IP6K1: variants seen among roughly 807,000 people sequenced by gnomAD.
IP6K1 encodes the protein ATP:1D-myo-inositol-hexakisphosphate phosphotransferase.
Under a neutral mutation model 38.3 loss-of-function variants are expected in IP6K1, and 13 were observed. The observed-to-expected ratio is 0.34, with a 90% CI of 0.22 to 0.54. The LOEUF (loss-of-function observed/expected upper bound fraction) is 0.54, where lower values mean the gene tolerates loss of function less well. IP6K1 is among the 20% of genes least tolerant of loss of function. The probability of loss-of-function intolerance (pLI) is 0.92; values close to 1 mark genes in which losing one functional copy is unlikely to be tolerated. For missense variants in IP6K1, 397 were observed against 599.8 expected (o/e 0.66, Z 3.53); for synonymous variants, 212 against 229.9 (o/e 0.92, Z 0.70).
rs141990904 is a variant in IP6K1 at position 49,727,446 on chromosome 3, G to A, written c.1002C>T (p.Ser334=). ...RQASYRFYSS[S]LLVIYDGKEC... ...CCTTGCCATCATAGATGACAAGCAG[G>A]GAACTGGAGTAGAAGCGGTAAGAGG... The change falls in exon 6 of 6, where the codon TCC becomes TCT. Residue 334 remains serine, a synonymous_variant. Transcript: ENST00000321599. The surrounding 1 kb of genome is among the most constrained non-coding windows in gnomAD (Gnocchi z 5.9). 4.7e-4 allele frequency: 763 copies of A among 1,614,108 alleles called. 7 individuals carry two copies. The African/African-American group carries it at 8.7e-3, about 18-fold the overall frequency.
intron 1 of IP6K1, among the ~76,000 whole-genome samples, chr3:49,783,695 C>G (rs2081087587): frequency 6.8e-6 from 1 of 146,226 alleles, no homozygotes; most frequent in Admixed American, 6.9e-5. Context: ...CCAGCGCAAC[C>G]GAGCGAGATT....
chr3:49,738,002 C>A (rs1201847755), intron 3 of IP6K1, among the ~76,000 whole-genome samples: 8 of 152,210 alleles, frequency 5.3e-5, no homozygotes. Flanking sequence ...GAGAGCTTCA[C>A]TTCCTCTCTC....
At chr3:49,748,953 A>T (rs1275196340) in intron 1 of IP6K1, 1 of 152,440 alleles carries the variant, frequency 6.6e-6, no homozygotes, top group Non-Finnish European at 1.5e-5. Context: ...ACAGTGACAG[A>T]TCATCAGGCA....
intron 1 of IP6K1, among the ~76,000 whole-genome samples, chr3:49,749,082 G>A (rs887794993): frequency 2.6e-5 from 4 of 152,188 alleles, no homozygotes; most frequent in African/African-American, 7.2e-5. Context: ...GAGCTCCGGC[G>A]GTAATGCAAG....
intron 1 of IP6K1, chr3:49,758,717 C>G (rs1453764555): frequency 7.9e-5 from 12 of 152,192 alleles, no homozygotes; most frequent in Admixed American, 7.9e-4. Context: ...AATCCCAACA[C>G]TTTGGGAGGT....
intron 1 of IP6K1, among the ~76,000 whole-genome samples, chr3:49,773,466 C>T (rs997258712): frequency 6.6e-6 from 1 of 152,228 alleles, no homozygotes; most frequent in East Asian, 1.9e-4. Flanking sequence ...AAAAAATTAG[C>T]TGGGCGTGGT....
chr3:49,736,441 G>A (rs1267673148), intron 3 of IP6K1, among the ~76,000 whole-genome samples: 3 of 152,120 alleles, frequency 2.0e-5, no homozygotes, highest in Non-Finnish European at 4.4e-5. Context: ...TTTGCCTGAT[G>A]TGAACACTTT....
intron 1 of IP6K1, among the ~76,000 whole-genome samples, chr3:49,767,305 G>A (rs562319258): frequency 1.4e-4 from 22 of 151,936 alleles, no homozygotes; most frequent in Admixed American, 3.9e-4. Context: ...TTGGCCAGGC[G>A]CGGTGGCTCA....
chr3:49,763,820 A>T (rs1156750279), intron 1 of IP6K1, among the ~76,000 whole-genome samples: 3 of 151,948 alleles, frequency 2.0e-5, no homozygotes, highest in Admixed American at 6.6e-5. Flanking sequence ...GTTCGAAACC[A>T]GCCTGGCCAA....
chr3:49,761,646 G>T (rs1020143583), intron 1 of IP6K1, among the ~76,000 whole-genome samples: 2 of 150,866 alleles, frequency 1.3e-5, no homozygotes, highest in African/African-American at 4.9e-5. Flanking sequence ...AATAACCTAA[G>T]GTTCTCATTA....
In IP6K1 at chr3:49,751,010, T is replaced by C. The variant is rs534457917; in HGVS notation, c.-128-2842A>G. Among the ~76,000 whole-genome samples, 5 of 152,312 alleles carry C rather than the reference T, an allele frequency of 3.3e-5. 1 individual carries two copies. The highest frequency in any genetic ancestry group is 1.9e-4 in the East Asian group (1 of 5,194). On this transcript the variant is annotated intron_variant, in intron 1 of 5. Coordinates refer to ENST00000321599, the MANE Select transcript of IP6K1 (RefSeq NM_153273.4). ...CTGTGAAGCCTTGCTTTACAAGGTGTGGATGGAGCCTCATAAGTCACTTAA... is the reference window on the plus strand; with the variant it reads ...CTGTGAAGCCTTGCTTTACAAGGTGCGGATGGAGCCTCATAAGTCACTTAA...
At chr3:49,761,038 G>A (rs980376049) in intron 1 of IP6K1, among the ~76,000 whole-genome samples, 1 of 152,196 alleles carries the variant, frequency 6.6e-6, no homozygotes, top group Admixed American at 6.6e-5. Flanking sequence ...AAAACTGGCC[G>A]GACGTGGTGG....
chr3:49,769,164 C>T (rs1320169228), intron 1 of IP6K1, among the ~76,000 whole-genome samples: 2 of 152,066 alleles, frequency 1.3e-5, no homozygotes, highest in Admixed American at 1.3e-4. Flanking sequence ...GATTAGAAGG[C>T]TCAATATAGT....
chr3:49,758,047 C>A (rs899390160), intron 1 of IP6K1, among the ~76,000 whole-genome samples: 5 of 152,212 alleles, frequency 3.3e-5, no homozygotes, highest in Admixed American at 3.3e-4. Flanking sequence ...CAGTGGCTTA[C>A]GCCTGCAATC....
intron 2 of IP6K1, among the ~76,000 whole-genome samples, 182 bp from the exon 3 acceptor site, chr3:49,738,604 C>T (rs958790610): frequency 2.6e-5 from 4 of 152,192 alleles, no homozygotes; most frequent in Non-Finnish European, 5.9e-5. Flanking sequence ...GACCGTCCAT[C>T]CCCAAGCTAA....
intron 1 of IP6K1, among the ~76,000 whole-genome samples, chr3:49,779,055 A>T (rs1352633702): frequency 6.6e-6 from 1 of 152,248 alleles, no homozygotes; most frequent in Non-Finnish European, 1.5e-5. Context: ...AAATAGGAGC[A>T]ACCATCACAA....
intron 2 of IP6K1, among the ~76,000 whole-genome samples, chr3:49,741,662 C>T (rs2108231410): frequency 6.6e-6 from 1 of 152,330 alleles, no homozygotes; most frequent in African/African-American, 2.4e-5. Flanking sequence ...ATAAATGTAG[C>T]TTCAGCCACC....
At chr3:49,745,270 G>T (rs1264134120) in intron 2 of IP6K1, among the ~76,000 whole-genome samples, 1 of 152,222 alleles carries the variant, frequency 6.6e-6, no homozygotes, top group African/African-American at 2.4e-5. Flanking sequence ...AGTGTCTGGG[G>T]AGACCTAATA....
rs754153203 is a variant in IP6K1, at chr3:49,759,193, TA to T, written c.-128-11026del. On this transcript the variant is annotated intron_variant, in intron 1 of 5. Coordinates refer to ENST00000321599, the MANE Select transcript of IP6K1 (RefSeq NM_153273.4). ...AGAGGCACTAAAAATCAGATATGGC[TA>T]AAATCTGGAGGACTCTTCCTTTGGG... 5.4e-4 allele frequency among the ~76,000 whole-genome samples: 83 copies of T among 152,302 alleles called. No homozygotes were observed. In the Middle Eastern group the frequency reaches 0.014, roughly 25 times the overall value.
Sources: gnomAD v4.1 joint callset for allele counts (sites outside exome capture counted in the v4.1 genomes callset) on GRCh38, gnomAD v4.1.1 for gene constraint, Gnocchi (gnomAD v3.1) non-coding constraint, MANE v1.5 for transcripts, NCBI Gene and HGNC (gene_info 2026-07-23, HGNC 2026-07-21) for gene names.